The following PHACTR1 variants were observed in gnomAD, a reference collection of about 807,000 sequenced individuals.
PHACTR1 encodes the protein phosphatase and actin regulator 1.
A neutral mutation model predicts 69.2 loss-of-function variants in PHACTR1; 16 were observed. The observed-to-expected ratio is 0.23, with a 90% confidence interval of 0.16 to 0.35. The LOEUF is 0.35. Among genes scored for constraint, PHACTR1 ranks in the 10% least tolerant of loss-of-function variants. The pLI, the probability that PHACTR1 is intolerant of heterozygous loss-of-function variation, is 1.00. For synonymous variants in PHACTR1, 312 were observed against 284.5 expected (o/e 1.10, Z -0.97); for missense variants, 510 against 734.7 (o/e 0.69, Z 3.54).
chr6:12,773,382 A>G (rs1193747694), intron 4 of PHACTR1, among the ~76,000 whole-genome samples: 3 of 152,182 alleles, frequency 2.0e-5, no homozygotes, highest in Non-Finnish European at 4.4e-5. Context: ...GACAAATGGT[A>G]TATTTCCCCA....
chr6:12,795,824 T>C (rs1462307291), intron 4 of PHACTR1, among the ~76,000 whole-genome samples: 1 of 152,130 alleles, frequency 6.6e-6, no homozygotes, highest in African/African-American at 2.4e-5. Context: ...AGTGAAAATT[T>C]TCTTCAGGGG....
chr6:12,970,085 C>T (rs1794005829), intron 4 of PHACTR1, among the ~76,000 whole-genome samples: 2 of 152,202 alleles, frequency 1.3e-5, no homozygotes, highest in African/African-American at 4.8e-5. Flanking sequence ...CTGCTTTTAA[C>T]TGCGTCCTGA....
At chr6:13,073,906 C>T (rs922512761) in intron 5 of PHACTR1, among the ~76,000 whole-genome samples, 2 of 149,672 alleles carry the variant, frequency 1.3e-5, no homozygotes, top group East Asian at 2.0e-4. Context: ...GGAGTCTTGC[C>T]GTGTCACCCA....
chr6:12,772,637 CT>C (rs1216860377), intron 4 of PHACTR1, among the ~76,000 whole-genome samples: 1 of 152,102 alleles, frequency 6.6e-6, no homozygotes, highest in Non-Finnish European at 1.5e-5. Flanking sequence ...GTGTTTTTGA[CT>C]TTTTTTGTGA....
chr6:13,073,225 C>CAAAAAA lies in PHACTR1; in HGVS notation c.415+19701_415+19706dup, dbSNP rs58555118. 6.2e-4 allele frequency among the ~76,000 whole-genome samples: 74 copies of CAAAAAA among 119,718 alleles called. 4 individuals carry two copies. Among genetic ancestry groups the CAAAAAA allele is most frequent in the African/African-American group, 2.4e-3 (68 of 28,498 alleles). The allele number at this position is 119,718 out of a possible 152,430, so 78.5% of individuals were successfully genotyped here. A position where few individuals can be genotyped will look rare whatever the true frequency, so the allele number is the denominator to read the frequency against. On this transcript the variant is annotated intron_variant, in intron 5 of 14. Transcript: ENST00000332995. ...AAATGGTATCTGATAACAGGATTAA[C>CAAAAAA]AAAAAAAAAAGAAAATACTTGAGGA...
intron 4 of PHACTR1, among the ~76,000 whole-genome samples, chr6:13,009,140 C>T (rs1191524356): frequency 2.0e-5 from 3 of 152,178 alleles, no homozygotes; most frequent in African/African-American, 4.8e-5. Flanking sequence ...TTATAAAAAG[C>T]ACTTCTCACT....
intron 5 of PHACTR1, among the ~76,000 whole-genome samples, chr6:13,086,778 C>T (rs1336514497): frequency 1.3e-5 from 2 of 151,978 alleles, no homozygotes; most frequent in African/African-American, 4.8e-5. Context: ...TTTTATTTCA[C>T]CTAGGTAAAT....
intron 4 of PHACTR1, among the ~76,000 whole-genome samples, chr6:12,971,815 T>TGGG (rs1794248390): frequency 6.6e-6 from 1 of 152,208 alleles, no homozygotes; most frequent in African/African-American, 2.4e-5. Flanking sequence ...GCTGTTAAAA[T>TGGG]ACAAAAAGCA....
At chr6:13,169,185 C>T (rs1645274714) in intron 6 of PHACTR1, among the ~76,000 whole-genome samples, 1 of 152,096 alleles carries the variant, frequency 6.6e-6, no homozygotes, top group Non-Finnish European at 1.5e-5. Flanking sequence ...GTAGGCAGTG[C>T]TGAGACTCAG....
At chr6:12,751,393 AG>A (rs1245618045) in intron 4 of PHACTR1, among the ~76,000 whole-genome samples, 1 of 152,190 alleles carries the variant, frequency 6.6e-6, no homozygotes, top group Non-Finnish European at 1.5e-5. Context: ...TATGGTTGTG[AG>A]GGGTCTCACA....
rs11963749 is a variant in PHACTR1 at position 13,022,404 on chromosome 6, A to G, written c.251-30961A>G. Among the ~76,000 whole-genome samples, 917 of 152,286 alleles carry G rather than the reference A, an allele frequency of 6.0e-3. 5 individuals carry two copies. Among genetic ancestry groups the G allele is most frequent in the African/African-American group, 0.021 (890 of 41,546 alleles). On this transcript the variant is annotated intron_variant, in intron 4 of 14. Coordinates refer to ENST00000332995, the MANE Select transcript of PHACTR1 (RefSeq NM_030948.6). ...ACTATGGCCCATGGGCCCTCTGCCT[A>G]TGTTTGTAGGTTGAGAATGTTGTTT...
intron 8 of PHACTR1, among the ~76,000 whole-genome samples, chr6:13,214,441 A>C (rs1473186574): frequency 1.3e-5 from 2 of 152,240 alleles, no homozygotes; most frequent in African/African-American, 4.8e-5. Flanking sequence ...ATTGAAGTAC[A>C]TCGTCCCTTC....
At chr6:12,730,985 T>TA (rs1453667095) in intron 3 of PHACTR1, among the ~76,000 whole-genome samples, 128 of 142,380 alleles carry the variant, frequency 9.0e-4, no homozygotes, top group Admixed American at 3.8e-3. Context: ...AATATTACCT[T>TA]TTTTATTTAT....
chr6:13,233,043 C>T (rs546962063), intron 10 of PHACTR1, among the ~76,000 whole-genome samples: 34 of 152,256 alleles, frequency 2.2e-4, no homozygotes, highest in African/African-American at 4.1e-4. Context: ...CATAGGAAGT[C>T]GGCCTGTGAG....
chr6:12,790,214 C>G (rs1305058854), intron 4 of PHACTR1, among the ~76,000 whole-genome samples: 3 of 152,166 alleles, frequency 2.0e-5, no homozygotes, highest in Non-Finnish European at 2.9e-5. Flanking sequence ...AAGCCAAAAT[C>G]CTGACATGAC....
At chr6:12,856,251 C>CTTTTTTTTTTTTTTT (rs201867496) in intron 4 of PHACTR1, among the ~76,000 whole-genome samples, 4 of 95,276 alleles carry the variant, frequency 4.2e-5, no homozygotes, top group African/African-American at 9.0e-5. Context: ...TTCTTTCTTT[C>CTTTTTTTTTTTTTTT]TTTCTTTTTT....
chr6:13,070,395 A>G (rs561010549), intron 5 of PHACTR1, among the ~76,000 whole-genome samples: 11 of 152,294 alleles, frequency 7.2e-5, no homozygotes, highest in South Asian at 6.2e-4. Context: ...ACTAGCTGCA[A>G]TCTGGCTCTC....
At chr6:13,284,376 G>A (rs984468919) in intron 13 of PHACTR1, among the ~76,000 whole-genome samples, 1 of 151,464 alleles carries the variant, frequency 6.6e-6, no homozygotes, top group Non-Finnish European at 1.5e-5. Flanking sequence ...AATTAGCCGG[G>A]CGTGATGGCA....
At chr6:13,092,265 G>T (rs1201785219) in intron 5 of PHACTR1, among the ~76,000 whole-genome samples, 3 of 152,136 alleles carry the variant, frequency 2.0e-5, no homozygotes, top group Non-Finnish European at 4.4e-5. Context: ...ACCAGTCCTG[G>T]GGCCTGGGGG....
Sources: gnomAD v4.1 joint callset for allele counts (sites outside exome capture counted in the v4.1 genomes callset) on GRCh38, gnomAD v4.1.1 for gene constraint, MANE v1.5 for transcripts, NCBI Gene and HGNC (gene_info 2026-07-23, HGNC 2026-07-21) for gene names.